Variants in HACD1 observed in about 807,000 individuals in gnomAD.
HACD1 encodes very-long-chain (3R)-3-hydroxyacyl-CoA dehydratase 1.
Under a neutral mutation model 32.0 loss-of-function variants are expected in HACD1, and 41 were observed. That is an observed-to-expected ratio of 1.28 (90% CI 1.00 to 1.66). The LOEUF (loss-of-function observed/expected upper bound fraction) is 1.66. Ranked by LOEUF, HACD1 falls within the 40% of genes most tolerant of loss-of-function variation. The pLI, the probability that HACD1 is intolerant of heterozygous loss-of-function variation, is 0.00. For synonymous variants in HACD1, 142 were observed against 139.0 expected, an observed-to-expected ratio of 1.02 and a Z score of -0.15; for missense variants, 396 against 380.1, an observed-to-expected ratio of 1.04 and a Z score of -0.35.
chr10:17,594,584 CAT>C (rs1282497199), intron 5 of HACD1, among the ~76,000 whole-genome samples: 1 of 152,008 alleles, frequency 6.6e-6, no homozygotes, highest in Non-Finnish European at 1.5e-5. Context: ...TACCAGTTTC[CAT>C]AATAGGCAAT....
intron 1 of HACD1, among the ~76,000 whole-genome samples, chr10:17,616,664 A>AG (rs1554818096): frequency 1.3e-5 from 2 of 149,190 alleles, no homozygotes; most frequent in Admixed American, 1.3e-4. Context: ...AAAAAAAAAA[A>AG]GTCGCGGTGA....
chr10:17,608,041 C>T (rs1194384287), intron 1 of HACD1, among the ~76,000 whole-genome samples: 1 of 151,994 alleles, frequency 6.6e-6, no homozygotes, highest in African/African-American at 2.4e-5. Context: ...GACAGATTCT[C>T]GCTCTGTCCC....
intron 2 of HACD1, 42 bp from the exon 3 acceptor site, chr10:17,603,786 A>T: frequency 6.4e-7 from 1 of 1,563,884 alleles, no homozygotes; most frequent in Non-Finnish European, 8.8e-7. Context: ...AATAATAGAA[A>T]ACATTAAATA....
chr10:17,605,840 G>C (rs1834138931), intron 1 of HACD1, among the ~76,000 whole-genome samples: 1 of 152,036 alleles, frequency 6.6e-6, no homozygotes, highest in Non-Finnish European at 1.5e-5. Flanking sequence ...TATAGTGCCA[G>C]CTACTCGGGA....
chr10:17,609,155 G>GTTTTTTTTTTTTTTTTTTTTT (rs56347429), intron 1 of HACD1, among the ~76,000 whole-genome samples: 2 of 132,128 alleles, frequency 1.5e-5, no homozygotes, highest in African/African-American at 5.7e-5. Context: ...TGTGCAAAAG[G>GTTTTTTTTTTTTTTTTTTTTT]TTTTTTTTTT....
At chr10:17,602,195 G>A (rs935533132) in intron 4 of HACD1, among the ~76,000 whole-genome samples, 4 of 151,872 alleles carry the variant, frequency 2.6e-5, no homozygotes, top group East Asian at 1.9e-4. Context: ...TCAGCCTCCC[G>A]TGTAGCTGGG....
intron 1 of HACD1, among the ~76,000 whole-genome samples, chr10:17,604,952 C>T (rs1451825990): frequency 2.6e-5 from 4 of 152,140 alleles, no homozygotes; most frequent in Non-Finnish European, 4.4e-5. Flanking sequence ...GTGATCCATC[C>T]ACCTCAGCCT....
chr10:17,610,831 T>C (rs1349813340), intron 1 of HACD1, among the ~76,000 whole-genome samples: 1 of 152,120 alleles, frequency 6.6e-6, no homozygotes, highest in Non-Finnish European at 1.5e-5. Context: ...AAGTAGCTTA[T>C]CTGAGGTTAC....
At chr10:17,614,885 T>C (rs1324722524) in intron 1 of HACD1, among the ~76,000 whole-genome samples, 2 of 151,936 alleles carry the variant, frequency 1.3e-5, no homozygotes, top group Non-Finnish European at 2.9e-5. Context: ...CCGGAGTAGC[T>C]GGGACTATAG....
In HACD1 at chr10:17,605,470, A is replaced by G. The variant is rs1588990392; in HGVS notation, c.258-1423T>C. Among the ~76,000 whole-genome samples the G allele has an allele frequency of 2.6e-5, 4 of 151,362 alleles. No individual in the cohort carries two copies. The South Asian group carries it at 8.4e-4, about 32-fold the overall frequency. On this transcript the variant is annotated intron_variant, in intron 1 of 6. Coordinates refer to ENST00000361271, the MANE Select transcript of HACD1 (RefSeq NM_014241.4). ...AACCTGGGAAGTGGAGGTTGCAGTG[A>G]GCCAAGATCACGCCACTGCATTCCA...
At chr10:17,610,959 T>G (rs1346669101) in intron 1 of HACD1, among the ~76,000 whole-genome samples, 1 of 151,300 alleles carries the variant, frequency 6.6e-6, no homozygotes, top group Non-Finnish European at 1.5e-5. Flanking sequence ...CCAAGCTACC[T>G]GTCCGCCTTC....
At chr10:17,611,461 C>T (rs1165723548) in intron 1 of HACD1, among the ~76,000 whole-genome samples, 1 of 152,220 alleles carries the variant, frequency 6.6e-6, no homozygotes, top group Non-Finnish European at 1.5e-5. Context: ...CCTGTCTGTC[C>T]TCTGACACAT....
At chr10:17,596,280 A>C (rs548575119) in intron 5 of HACD1, among the ~76,000 whole-genome samples, 1 of 152,224 alleles carries the variant, frequency 6.6e-6, no homozygotes, top group Non-Finnish European at 1.5e-5. Context: ...TGATTCCTTC[A>C]CTGTACCTGT....
intron 6 of HACD1, among the ~76,000 whole-genome samples, chr10:17,591,976 A>AATTTTTTTTTTTTTTTTTTT: frequency 1.0e-5 from 1 of 96,954 alleles, no homozygotes; most frequent in African/African-American, 4.5e-5. Flanking sequence ...CCAGCTACTG[A>AATTTTTTTTTTTTTTTTTTT]TTTTTTTTTT....
chr10:17,613,022 TAAC>T (rs1482744553), intron 1 of HACD1, among the ~76,000 whole-genome samples: 3 of 151,690 alleles, frequency 2.0e-5, no homozygotes, highest in East Asian at 3.9e-4. Context: ...GCTGATAAAA[TAAC>T]AAGCTGTATT....
chr10:17,615,860 C>T (rs1256463701), intron 1 of HACD1: 10 of 424,810 alleles, frequency 2.4e-5, no homozygotes, highest in South Asian at 1.3e-4. Flanking sequence ...CCAGCTACTC[C>T]GGAGGCCGAG....
At chr10:17,600,281 C>A (rs894274725) in intron 4 of HACD1, among the ~76,000 whole-genome samples, 7 of 152,162 alleles carry the variant, frequency 4.6e-5, no homozygotes, top group Non-Finnish European at 7.4e-5. Context: ...GACTCCAACC[C>A]TCTCCTCTCA....
chr10:17,592,116 G>T (rs1158382238), intron 6 of HACD1, among the ~76,000 whole-genome samples: 1 of 151,082 alleles, frequency 6.6e-6, no homozygotes, highest in Non-Finnish European at 1.5e-5. Flanking sequence ...TGAGTAGCTG[G>T]GACTACAGGT....
chr10:17,612,930 A>AC (rs1554817665), intron 1 of HACD1, among the ~76,000 whole-genome samples: 307 of 151,942 alleles, frequency 2.0e-3, no homozygotes, highest in African/African-American at 7.1e-3. Context: ...CAAAAAAAAA[A>AC]AAACAAAAAC....
Sources: gnomAD v4.1 joint callset for allele counts (sites outside exome capture counted in the v4.1 genomes callset) on GRCh38, gnomAD v4.1.1 for gene constraint, MANE v1.5 for transcripts, NCBI Gene and HGNC (gene_info 2026-07-23, HGNC 2026-07-21) for gene names.